The following DLGAP2 variants were observed in gnomAD, a reference collection of about 807,000 sequenced individuals.
The protein encoded by DLGAP2 is DLG associated protein 2.
Under a neutral mutation model 100.3 loss-of-function variants are expected in DLGAP2, and 26 were observed. The ratio of observed to expected loss-of-function variants is 0.26; its 90% confidence interval spans 0.19 to 0.36. The LOEUF is 0.36. DLGAP2 is among the 10% of genes least tolerant of loss of function. The probability of loss-of-function intolerance (pLI) is 1.00; values close to 1 mark genes in which losing one functional copy is unlikely to be tolerated. For synonymous variants in DLGAP2, 886 were observed against 630.1 expected, an observed-to-expected ratio of 1.41 and a Z score of -6.08; for missense variants, 1,858 against 1,453.2, an observed-to-expected ratio of 1.28 and a Z score of -4.53.
intron 4 of DLGAP2, among the ~76,000 whole-genome samples, chr8:1,507,790 T>TCACCCACCCCCCTCCCCC (rs1799982552): frequency 6.6e-6 from 1 of 150,718 alleles, no homozygotes; most frequent in African/African-American, 2.5e-5. Context: ...CGACCCTCCT[T>TCACCCACCCCCCTCCCCC]CACCCACCAC....
intron 2 of DLGAP2, among the ~76,000 whole-genome samples, chr8:1,145,275 A>G (rs1796587094): frequency 1.3e-5 from 2 of 151,698 alleles, no homozygotes; most frequent in African/African-American, 4.8e-5. Context: ...ACTCCCACCC[A>G]CCCACCATCC....
In DLGAP2 at chr8:1,430,024, A is replaced by ATATATATATATATATATATATC. The variant is rs1237182156; in HGVS notation, c.107-71338_107-71337insTATATATATATATATATCTATA. ...TATATATACATATATATATATATAT[A>ATATATATATATATATATATATC]TATACACACACACACATATGAACTT... On this transcript the variant is annotated intron_variant, in intron 3 of 14. Transcript: ENST00000637795. Among the ~76,000 whole-genome samples the ATATATATATATATATATATATC allele has an allele frequency of 4.1e-5, 4 of 97,004 alleles. 1 individual carries two copies. The highest frequency in any genetic ancestry group is 2.2e-4 in the Admixed American group (2 of 8,924). The allele number at this position is 97,004 out of a possible 152,430, so 63.6% of individuals were successfully genotyped here. A position where few individuals can be genotyped will look rare whatever the true frequency, so the allele number is the denominator to read the frequency against.
chr8:1,079,834 G>C lies in DLGAP2; in HGVS notation c.73+171868G>C, dbSNP rs73670434. Among the ~76,000 whole-genome samples, 752 of 152,320 alleles carry C rather than the reference G, an allele frequency of 4.9e-3. 5 individuals are homozygous for C. The highest frequency in any genetic ancestry group is 0.017 in the African/African-American group (700 of 41,570). On this transcript the variant is annotated intron_variant, in intron 2 of 14. Transcript: ENST00000637795. ...AATTAGCTCAATTTGGGTCTGAAAC[G>C]TCAGTGAGGATTTCACAGGAGAGCA...
At chr8:1,194,483 C>G (rs1432609139) in intron 2 of DLGAP2, among the ~76,000 whole-genome samples, 1 of 152,260 alleles carries the variant, frequency 6.6e-6, no homozygotes, top group African/African-American at 2.4e-5. Flanking sequence ...CTCAGTCCCA[C>G]TTTCCAGGTC....
intron 3 of DLGAP2, among the ~76,000 whole-genome samples, chr8:1,455,405 G>A (rs373873166): frequency 2.6e-5 from 4 of 152,224 alleles, no homozygotes; most frequent in East Asian, 3.9e-4. Context: ...GGTCCCAGGG[G>A]GACCCTGGTC....
At chr8:938,706 G>GT (rs1322016063) in intron 2 of DLGAP2, among the ~76,000 whole-genome samples, 1 of 152,196 alleles carries the variant, frequency 6.6e-6, no homozygotes, top group Non-Finnish European at 1.5e-5. Context: ...AGCTCAGCTT[G>GT]TGGGGGGCTG....
chr8:1,453,418 G>C (rs947486387), intron 3 of DLGAP2, among the ~76,000 whole-genome samples: 3 of 152,194 alleles, frequency 2.0e-5, no homozygotes, highest in African/African-American at 4.8e-5. Context: ...TTCTTAAGTA[G>C]GTTATTGTTA....
Position 755,288 on chromosome 8 carries a change from G to T in DLGAP2, c.18+17463G>T, listed in dbSNP as rs77904291. 8.1e-3 allele frequency among the ~76,000 whole-genome samples: 1,229 copies of T among 152,130 alleles called. 21 individuals are homozygous for T. Among genetic ancestry groups the T allele is most frequent in the African/African-American group, 0.028 (1,163 of 41,504 alleles). ...AGCTTGGGCAACGTGGCAAAACCTT[G>T]TATCTACAAAAAATACTCAAATTAT... On this transcript the variant is annotated intron_variant, in intron 1 of 14. Coordinates refer to ENST00000637795, the MANE Select transcript of DLGAP2 (RefSeq NM_001346810.2).
chr8:834,586 C>T (rs1205224276), intron 1 of DLGAP2, among the ~76,000 whole-genome samples: 2 of 152,154 alleles, frequency 1.3e-5, no homozygotes, highest in African/African-American at 4.8e-5. Flanking sequence ...GATCTTTCTA[C>T]CTTTAAAACA....
intron 3 of DLGAP2, among the ~76,000 whole-genome samples, chr8:1,486,398 C>G (rs1033429340): frequency 2.0e-5 from 3 of 152,166 alleles, no homozygotes; most frequent in Non-Finnish European, 2.9e-5. Flanking sequence ...GGGCTGTGTC[C>G]TCTCTGGATC....
intron 2 of DLGAP2, among the ~76,000 whole-genome samples, chr8:1,033,267 G>A (rs1009750780): frequency 1.3e-5 from 2 of 152,264 alleles, no homozygotes; most frequent in South Asian, 4.1e-4. Context: ...CCCTCGCCTC[G>A]TGATCTTAAA....
At position 1,452,537 on chromosome 8, in the gene DLGAP2, G is replaced by A. The variant is rs145725936; in HGVS notation, c.107-48829G>A. Among the ~76,000 whole-genome samples, 442 of 152,334 alleles carry A rather than the reference G, an allele frequency of 2.9e-3. 1 individual carries two copies. Among genetic ancestry groups the A allele is most frequent in the African/African-American group, 9.6e-3 (399 of 41,580 alleles). On this transcript the variant is annotated intron_variant, in intron 3 of 14. Coordinates refer to ENST00000637795, the MANE Select transcript of DLGAP2 (RefSeq NM_001346810.2). The stretch of plus-strand genomic sequence containing the variant: ...GAGCTTGTGGGACACTGGGCGCTCC[G>A]GGGAGAGCTGGAGGCCCAGTGGCCC...
At chr8:949,508 G>C (rs1423906679) in intron 2 of DLGAP2, among the ~76,000 whole-genome samples, 3 of 152,264 alleles carry the variant, frequency 2.0e-5, no homozygotes, top group South Asian at 2.1e-4. Context: ...GAACATTCAA[G>C]CAGAAAAGAA....
chr8:1,137,330 G>C (rs1434614599), intron 2 of DLGAP2: 1 of 152,598 alleles, frequency 6.6e-6, no homozygotes, highest in African/African-American at 2.4e-5. Context: ...TATTGGACTG[G>C]TGCACCAAAT....
intron 3 of DLGAP2, among the ~76,000 whole-genome samples, chr8:1,430,215 T>C (rs1471906963): frequency 4.0e-5 from 6 of 151,494 alleles, no homozygotes; most frequent in African/African-American, 1.5e-4. Context: ...ATGTCACCAA[T>C]GATCTGTGAT....
chr8:1,322,577 G>C (rs1297489273), intron 3 of DLGAP2, among the ~76,000 whole-genome samples: 1 of 151,886 alleles, frequency 6.6e-6, no homozygotes. Context: ...CACACGTATT[G>C]TTCCATGGAA....
At chr8:1,287,628 G>C (rs79641446) in intron 3 of DLGAP2, among the ~76,000 whole-genome samples, 1 of 92,648 alleles carries the variant, frequency 1.1e-5, no homozygotes, top group Non-Finnish European at 2.0e-5. Flanking sequence ...AACTAGTTTC[G>C]GTTGAGTGTG....
chr8:1,655,648 G>C (rs570895759), intron 8 of DLGAP2, among the ~76,000 whole-genome samples: 31 of 152,318 alleles, frequency 2.0e-4, no homozygotes, highest in Non-Finnish European at 3.7e-4. Context: ...ATTCCTCAAA[G>C]CCATGTGAAG....
chr8:1,271,712 G>C (rs542158039), intron 3 of DLGAP2, among the ~76,000 whole-genome samples: 1 of 152,208 alleles, frequency 6.6e-6, no homozygotes, highest in Admixed American at 6.5e-5. Context: ...CTCAGGGGGA[G>C]GGGAAATGGG....
Sources: allele counts gnomAD v4.1 joint callset (sites outside exome capture counted in the v4.1 genomes callset), GRCh38; gene constraint gnomAD v4.1.1; transcripts MANE v1.5; gene names NCBI Gene and HGNC (gene_info 2026-07-23, HGNC 2026-07-21).